The following NIBAN1 variants were observed in gnomAD, a reference collection of about 807,000 sequenced individuals.
The protein encoded by NIBAN1 is niban apoptosis regulator 1, also known as protein Niban 1.
A neutral mutation model predicts 75.1 loss-of-function variants in NIBAN1; 81 were observed. The ratio of observed to expected loss-of-function variants is 1.08; its 90% CI spans 0.90 to 1.30. The LOEUF (loss-of-function observed/expected upper bound fraction) is 1.30. Ranked by LOEUF, NIBAN1 falls within the 50% of genes most tolerant of loss-of-function variation. The probability of loss-of-function intolerance (pLI) is 0.00; values close to 1 mark genes in which losing one functional copy is unlikely to be tolerated. For missense variants in NIBAN1, 1,133 were observed against 1,128.1 expected (o/e 1.00, Z -0.06); for synonymous variants, 436 against 424.8 (o/e 1.03, Z -0.32).
chr1:184,798,465 C>T (rs1653938509), intron 12 of NIBAN1, among the ~76,000 whole-genome samples: 1 of 152,166 alleles, frequency 6.6e-6, no homozygotes, highest in Admixed American at 6.5e-5. Flanking sequence ...GGTTCCTTTC[C>T]CTTTCCTTGT....
rs1186900909 is a variant in NIBAN1, at chr1:184,793,167, G to A, written c.*1810C>T. 4 of 152,202 alleles carry A rather than the reference G, an allele frequency of 2.6e-5. No homozygotes were observed. The highest frequency in any genetic ancestry group is 1.5e-5 in the Non-Finnish European group (1 of 68,038). The allele number at this position is 152,202 out of a possible 1,614,324, so 9.4% of individuals were successfully genotyped here. A position where few individuals can be genotyped will look rare whatever the true frequency, so the allele number is the denominator to read the frequency against. ...TATTTTAATTTCTGGTTAAATGGTT[G>A]AACTGTGTGTGAAGCAAATGCTCTA... On this transcript the variant is annotated 3_prime_UTR_variant, in exon 14 of 14. Coordinates refer to ENST00000367511, the MANE Select transcript of NIBAN1 (RefSeq NM_052966.4).
intron 5 of NIBAN1, among the ~76,000 whole-genome samples, chr1:184,880,350 C>T (rs1656346128): frequency 6.6e-6 from 1 of 152,238 alleles, no homozygotes; most frequent in African/African-American, 2.4e-5. Flanking sequence ...TACACTGCAG[C>T]CATTGTGACC....
At position 184,897,307 on chromosome 1, in the gene NIBAN1, T is replaced by C. The variant is rs181024448; in HGVS notation, c.186+1872A>G. On this transcript the variant is annotated intron_variant, in intron 2 of 13. Coordinates refer to ENST00000367511, the MANE Select transcript of NIBAN1 (RefSeq NM_052966.4). ...GTGTGTGTGTGTGTGTGTGTGTGTGTGTGTGTGTGTGGTGGGTGGGGGTGG... is the reference window on the plus strand; with the variant it reads ...GTGTGTGTGTGTGTGTGTGTGTGTGCGTGTGTGTGTGGTGGGTGGGGGTGG... Among the ~76,000 whole-genome samples the C allele has an allele frequency of 1.1e-3, 166 of 151,790 alleles. 1 individual carries two copies. Among genetic ancestry groups the C allele is most frequent in the Admixed American group, 0.011 (163 of 15,204 alleles).
Position 184,818,658 on chromosome 1 carries a change from C to G in NIBAN1, c.1153G>C (p.Asp385His). The change falls in exon 9 of 14, where the codon GAC becomes CAC. Residue 385 changes from aspartate (D) to histidine (H), a missense_variant. Physicochemically the swap from Asp to His is moderately conservative, Grantham distance 81 (BLOSUM62 -1). Coordinates refer to ENST00000367511, the MANE Select transcript of NIBAN1 (RefSeq NM_052966.4). ...CCTACCTCCTTTAGCTGGACACTGTCTTTGGTGGTCTGGAAGTTCTGGCTG... is the reference window on the plus strand; with the variant it reads ...CCTACCTCCTTTAGCTGGACACTGTGTTTGGTGGTCTGGAAGTTCTGGCTG... ...EVSQNFQTTK[D>H]SVQLKEHLDR... 1 of 1,609,290 alleles carries G rather than the reference C, an allele frequency of 6.2e-7. No individual in the cohort carries two copies. The highest frequency in any genetic ancestry group is 8.5e-7 in the Non-Finnish European group (1 of 1,176,658).
At chr1:184,853,934 A>T (rs1470444644) in intron 5 of NIBAN1, among the ~76,000 whole-genome samples, 1 of 152,246 alleles carries the variant, frequency 6.6e-6, no homozygotes, top group African/African-American at 2.4e-5. Context: ...AATGAGATAT[A>T]ATGAAAGCCA....
intron 5 of NIBAN1, among the ~76,000 whole-genome samples, chr1:184,881,540 G>A (rs774791719): frequency 4.6e-5 from 7 of 152,116 alleles, no homozygotes; most frequent in South Asian, 2.1e-4. Flanking sequence ...CTTGGATCTC[G>A]CGCAAGAAAG....
chr1:184,945,963 A>G (rs1466902567), intron 1 of NIBAN1, among the ~76,000 whole-genome samples: 2 of 151,882 alleles, frequency 1.3e-5, no homozygotes, highest in Non-Finnish European at 2.9e-5. Context: ...GTTCCTACAT[A>G]GTTCTATTAT....
chr1:184,873,083 TG>T (rs772960537), intron 5 of NIBAN1, among the ~76,000 whole-genome samples: 70 of 152,348 alleles, frequency 4.6e-4, no homozygotes, highest in Non-Finnish European at 8.1e-4. Flanking sequence ...ATATTCAATG[TG>T]GTGACAGGAA....
intron 1 of NIBAN1, among the ~76,000 whole-genome samples, chr1:184,909,833 C>T (rs1432686640): frequency 6.6e-6 from 1 of 152,050 alleles, no homozygotes; most frequent in Admixed American, 6.6e-5. Flanking sequence ...CATCACAGAG[C>T]CAAATTTTAT....
chr1:184,905,124 T>C (rs1657058983), intron 1 of NIBAN1, among the ~76,000 whole-genome samples: 1 of 152,074 alleles, frequency 6.6e-6, no homozygotes. Context: ...GCTTGGTGTG[T>C]GTGGCAGAGG....
intron 6 of NIBAN1, among the ~76,000 whole-genome samples, chr1:184,826,860 CG>C (rs879743053): frequency 2.6e-5 from 4 of 151,500 alleles, no homozygotes; most frequent in African/African-American, 4.9e-5. Flanking sequence ...TTACGAGTGG[CG>C]GGGGGGTGAT....
chr1:184,827,952 TG>T (rs150330717), intron 6 of NIBAN1, among the ~76,000 whole-genome samples: 26 of 149,880 alleles, frequency 1.7e-4, no homozygotes, highest in African/African-American at 6.1e-4. Context: ...CGGGTAGTTT[TG>T]TTTTTTGTTT....
chr1:184,869,282 A>C (rs908026064), intron 5 of NIBAN1, among the ~76,000 whole-genome samples: 4 of 152,188 alleles, frequency 2.6e-5, no homozygotes, highest in African/African-American at 7.2e-5. Context: ...ACACCTACAC[A>C]CGGTACAGCT....
At chr1:184,950,986 C>T (rs1658344181) in intron 1 of NIBAN1, among the ~76,000 whole-genome samples, 1 of 152,186 alleles carries the variant, frequency 6.6e-6, no homozygotes, top group African/African-American at 2.4e-5. Flanking sequence ...AGAATTAAGA[C>T]AGAAAGAGGT....
intron 12 of NIBAN1, among the ~76,000 whole-genome samples, chr1:184,802,174 C>G (rs1654063507): frequency 6.6e-6 from 1 of 152,202 alleles, no homozygotes; most frequent in Non-Finnish European, 1.5e-5. Flanking sequence ...TTAAAAAGCT[C>G]TTGATGCTGA....
At chr1:184,924,902 T>C (rs931808287) in intron 1 of NIBAN1, among the ~76,000 whole-genome samples, 1 of 152,140 alleles carries the variant, frequency 6.6e-6, no homozygotes, top group African/African-American at 2.4e-5. Flanking sequence ...CTAATTTTAT[T>C]TGGGTCTTGT....
At chr1:184,875,137 C>T (rs956993987) in intron 5 of NIBAN1, among the ~76,000 whole-genome samples, 2 of 152,104 alleles carry the variant, frequency 1.3e-5, no homozygotes, top group African/African-American at 4.8e-5. Context: ...CATATCCAAA[C>T]TTGTGAGATT....
chr1:184,876,215 T>C (rs1157911983), intron 5 of NIBAN1, among the ~76,000 whole-genome samples: 1 of 148,486 alleles, frequency 6.7e-6, no homozygotes, highest in Non-Finnish European at 1.5e-5. Flanking sequence ...ATAAAATTCA[T>C]CAAGGAAACA....
At chr1:184,816,150 T>C (rs1328191460) in intron 9 of NIBAN1, among the ~76,000 whole-genome samples, 3 of 152,220 alleles carry the variant, frequency 2.0e-5, no homozygotes. Flanking sequence ...CTTTAATCTA[T>C]TTAATTTTAG....
Sources: gnomAD v4.1 joint callset for allele counts (sites outside exome capture counted in the v4.1 genomes callset) on GRCh38, gnomAD v4.1.1 for gene constraint, MANE v1.5 for transcripts, NCBI Gene and HGNC (gene_info 2026-07-23, HGNC 2026-07-21) for gene names.